MVB12B: variants seen among roughly 807,000 people sequenced by gnomAD.
The protein encoded by MVB12B is multivesicular body subunit 12B.
In MVB12B, 16 loss-of-function variants were observed where a neutral mutation model predicts 41.6. The ratio of observed to expected loss-of-function variants is 0.38; its 90% CI spans 0.26 to 0.58. The LOEUF (loss-of-function observed/expected upper bound fraction) is 0.58, where lower values mean the gene tolerates loss of function less well. Among genes scored for constraint, MVB12B ranks in the 20% least tolerant of loss-of-function variants. The pLI is 0.62. For missense variants in MVB12B, 274 were observed against 380.2 expected (o/e 0.72, Z 2.32); for synonymous variants, 133 against 139.7 (o/e 0.95, Z 0.34).
intron 9 of MVB12B, among the ~76,000 whole-genome samples, chr9:126,500,689 C>T (rs1217072332): frequency 6.6e-6 from 1 of 152,234 alleles, no homozygotes; most frequent in African/African-American, 2.4e-5. Flanking sequence ...GGCTGATGGC[C>T]TAACTATCCA....
chr9:126,494,299 C>T (rs1324865178), intron 9 of MVB12B, among the ~76,000 whole-genome samples: 2 of 152,206 alleles, frequency 1.3e-5, no homozygotes, highest in Non-Finnish European at 2.9e-5. Flanking sequence ...CCCTTCCCCA[C>T]TGCCCTTTTG....
At chr9:126,330,149 T>G (rs1226188704) in intron 1 of MVB12B, among the ~76,000 whole-genome samples, 3 of 152,136 alleles carry the variant, frequency 2.0e-5, no homozygotes, top group African/African-American at 7.2e-5. Context: ...TCTGGCGAGA[T>G]GCAGAGCTTG....
rs183432748 is a variant in MVB12B, at chr9:126,488,479, T to A, written c.873+4447T>A. ...GCTCGCCCACGATTCCCAGACAGGG[T>A]GGAGAGCCTGGCATCCAGGGGGAGG... On this transcript the variant is annotated intron_variant, in intron 9 of 9. Transcript: ENST00000361171. Among the ~76,000 whole-genome samples, 158 of 151,826 alleles carry A rather than the reference T, an allele frequency of 1.0e-3. 1 individual carries two copies. Among genetic ancestry groups the A allele is most frequent in the African/African-American group, 3.6e-3 (150 of 41,360 alleles).
rs1353414312 is a variant in MVB12B, at chr9:126,486,894, G to C, written c.873+2862G>C. Among the ~76,000 whole-genome samples, 1 of 152,198 alleles carries C rather than the reference G, an allele frequency of 6.6e-6. No individual in the cohort carries two copies. Among genetic ancestry groups the C allele is most frequent in the Non-Finnish European group, 1.5e-5 (1 of 68,040 alleles). ...CCAGTCAGTCTAGTTCCTTAACCTG[G>C]GTGGGCCTTCGAGTTGCTGGGGTGG... is the stretch of plus-strand genomic sequence containing the variant. On this transcript the variant is annotated intron_variant, in intron 9 of 9. Transcript: ENST00000361171. The surrounding 1 kb of genome is among the most constrained non-coding windows in gnomAD (Gnocchi z 4.7).
rs571293284 is a variant in MVB12B, at chr9:126,399,133, T to C, written c.662+3436T>C. The stretch of plus-strand genomic sequence containing the variant: ...GGCAGGTCCCCAGGGAGAGGGATGC[T>C]CCTGGGCTGTATCCAGTGAGTTGGT... On this transcript the variant is annotated intron_variant, in intron 6 of 9. Coordinates refer to ENST00000361171, the MANE Select transcript of MVB12B (RefSeq NM_033446.3). Among the ~76,000 whole-genome samples the C allele has an allele frequency of 9.2e-5, 14 of 152,346 alleles. No individual in the cohort carries two copies. The South Asian group carries it at 2.5e-3, about 27-fold the overall frequency.
At chr9:126,328,459 T>C (rs543219656) in intron 1 of MVB12B, among the ~76,000 whole-genome samples, 1 of 152,362 alleles carries the variant, frequency 6.6e-6, no homozygotes, top group Admixed American at 6.5e-5. Context: ...ACTGGAATGT[T>C]GTGCCATGGT....
At chr9:126,385,858 C>T (rs568438010) in intron 3 of MVB12B, among the ~76,000 whole-genome samples, 3 of 152,210 alleles carry the variant, frequency 2.0e-5, no homozygotes, top group Admixed American at 6.5e-5. Context: ...CAAGTGCTGG[C>T]GTGTTTGCAA....
intron 7 of MVB12B, among the ~76,000 whole-genome samples, chr9:126,422,731 A>G (rs1360985697): frequency 6.6e-6 from 1 of 152,274 alleles, no homozygotes. Context: ...TTCATGTTCC[A>G]TAATGAATCG....
At chr9:126,359,577 G>T (rs1429307400) in intron 2 of MVB12B, among the ~76,000 whole-genome samples, 1 of 152,174 alleles carries the variant, frequency 6.6e-6, no homozygotes, top group African/African-American at 2.4e-5. Flanking sequence ...TTAAATAGAT[G>T]TAGTGTCATT....
At chr9:126,435,237 T>C (rs887656) in intron 7 of MVB12B, among the ~76,000 whole-genome samples, 134,898 of 152,250 alleles carry the variant, frequency 0.89, 59,868 homozygotes, top group East Asian at 1. Flanking sequence ...GAATTGCTGC[T>C]TATTATACCA....
rs1831485656 is a variant in MVB12B at position 126,407,677 on chromosome 9, A to AG, written c.662+11986dup. On this transcript the variant is annotated intron_variant, in intron 6 of 9. Transcript: ENST00000361171. ...TCCCCGTCTGCCTTTAATCACCGCG[A>AG]GGGGGGCGACAGGGAATGGCTACGG... Among the ~76,000 whole-genome samples the AG allele has an allele frequency of 2.6e-5, 4 of 151,772 alleles. No individual in the cohort carries two copies. In the South Asian group the frequency reaches 8.3e-4, roughly 32 times the overall value.
At chr9:126,364,963 A>G (rs1588109532) in intron 2 of MVB12B, among the ~76,000 whole-genome samples, 1 of 151,998 alleles carries the variant, frequency 6.6e-6, no homozygotes, top group East Asian at 1.9e-4. Flanking sequence ...CGCGTTAGCC[A>G]GGATGGTCTC....
Position 126,469,202 on chromosome 9 carries a change from C to T in MVB12B, c.758-12167C>T, listed in dbSNP as rs1833262383. On this transcript the variant is annotated intron_variant, in intron 7 of 9. Transcript: ENST00000361171. ...AAAAAATAAAAAAATAATATTCTGT[C>T]CTTTTTCTATACATGCCAACACGCA... 2.6e-5 allele frequency among the ~76,000 whole-genome samples: 4 copies of T among 152,232 alleles called. No homozygotes were observed. The South Asian group carries it at 8.3e-4, about 32-fold the overall frequency.
chr9:126,451,218 A>T (rs1287960529), intron 7 of MVB12B, among the ~76,000 whole-genome samples: 1 of 152,190 alleles, frequency 6.6e-6, no homozygotes, highest in Non-Finnish European at 1.5e-5. Flanking sequence ...AGCGTCTTTG[A>T]CTGTAGAAAC....
intron 1 of MVB12B, among the ~76,000 whole-genome samples, chr9:126,338,319 G>T (rs1360194903): frequency 6.6e-6 from 1 of 152,208 alleles, no homozygotes; most frequent in Non-Finnish European, 1.5e-5. Flanking sequence ...ACCTTCTCCT[G>T]GGCCGCCACA....
intron 6 of MVB12B, chr9:126,397,141 C>T: frequency 1.0e-6 from 1 of 985,532 alleles, no homozygotes; most frequent in Non-Finnish European, 1.2e-6. Flanking sequence ...GCTGGAAAGC[C>T]CCCACAGGAG....
At chr9:126,369,698 G>A (rs1830283151) in intron 2 of MVB12B, among the ~76,000 whole-genome samples, 1 of 151,978 alleles carries the variant, frequency 6.6e-6, no homozygotes, top group African/African-American at 2.4e-5. Context: ...TTGTTGCCCA[G>A]GCTAGAGTGC....
chr9:126,357,403 GTT>G (rs1256085447), intron 2 of MVB12B, among the ~76,000 whole-genome samples: 2 of 152,218 alleles, frequency 1.3e-5, no homozygotes, highest in Non-Finnish European at 2.9e-5. Flanking sequence ...GTAGATGCAT[GTT>G]TAACTTTAAA....
chr9:126,374,754 C>T (rs901830018), intron 2 of MVB12B, among the ~76,000 whole-genome samples: 1 of 152,230 alleles, frequency 6.6e-6, no homozygotes, highest in Admixed American at 6.5e-5. Context: ...AACAAGCTAA[C>T]TAGGAGTGAG....
Sources: allele counts gnomAD v4.1 joint callset (sites outside exome capture counted in the v4.1 genomes callset), GRCh38; gene constraint gnomAD v4.1.1; non-coding constraint Gnocchi (gnomAD v3.1); transcripts MANE v1.5; gene names NCBI Gene and HGNC (gene_info 2026-07-23, HGNC 2026-07-21).